The following ARHGEF10L variants were observed in gnomAD, a reference collection of about 807,000 sequenced individuals.
ARHGEF10L encodes the protein rho guanine nucleotide exchange factor 10-like protein.
A neutral mutation model predicts 141.2 loss-of-function variants in ARHGEF10L; 69 were observed. The ratio of observed to expected loss-of-function variants is 0.49; its 90% confidence interval spans 0.40 to 0.60. ARHGEF10L has a LOEUF of 0.60. ARHGEF10L is among the 20% of genes least tolerant of loss of function. The pLI is 0.00. For missense variants in ARHGEF10L, 1,482 were observed against 1,734.3 expected, an observed-to-expected ratio of 0.85 and a Z score of 2.58; for synonymous variants, 711 against 718.5, an observed-to-expected ratio of 0.99 and a Z score of 0.17.
At chr1:17,559,265 C>T (rs1000830225) in intron 1 of ARHGEF10L, among the ~76,000 whole-genome samples, 5 of 152,192 alleles carry the variant, frequency 3.3e-5, no homozygotes, top group African/African-American at 1.2e-4. Flanking sequence ...TGGTAAAGCA[C>T]TTAGTGCAAT....
chr1:17,634,266 G>T, intron 16 of ARHGEF10L: 1 of 568,940 alleles, frequency 1.8e-6, no homozygotes. Flanking sequence ...TGGGGAATCA[G>T]TTTGGGTGAT....
At chr1:17,610,676 C>T (rs940425132) in intron 7 of ARHGEF10L, among the ~76,000 whole-genome samples, 1 of 152,218 alleles carries the variant, frequency 6.6e-6, no homozygotes, top group Non-Finnish European at 1.5e-5. Context: ...TGGCTATGTG[C>T]TGTGTGTGCT....
intron 14 of ARHGEF10L, 99 bp downstream of exon 14, chr1:17,626,147 G>A (rs938157098): frequency 2.9e-5 from 30 of 1,035,824 alleles, no homozygotes; most frequent in East Asian, 1.3e-4. Flanking sequence ...GCTCTTGTCC[G>A]TGATCCATAA....
intron 1 of ARHGEF10L, among the ~76,000 whole-genome samples, chr1:17,575,019 A>G (rs1357584857): frequency 2.0e-5 from 3 of 152,174 alleles, no homozygotes; most frequent in Non-Finnish European, 4.4e-5. Flanking sequence ...TCCCAGCCTC[A>G]TGGGTTCCTG....
intron 4 of ARHGEF10L, among the ~76,000 whole-genome samples, chr1:17,599,501 C>T (rs2100885160): frequency 6.6e-6 from 1 of 152,318 alleles, no homozygotes; most frequent in African/African-American, 2.4e-5. Context: ...CACGTCTGTT[C>T]CAGCCGGAAG....
At chr1:17,538,167 A>G (rs1469525680), upstream of ARHGEF10L, among the ~76,000 whole-genome samples, 1 of 152,238 alleles carries the variant, frequency 6.6e-6, no homozygotes, top group South Asian at 2.1e-4. Context: ...GGCTCTGGCT[A>G]TGACGGCAGG....
the ARHGEF10L span, among the ~76,000 whole-genome samples, chr1:17,520,893 C>A: frequency 6.6e-6 from 1 of 152,160 alleles, no homozygotes; most frequent in African/African-American, 2.4e-5. Context: ...TGGATTGATG[C>A]ATTGGTGCTG....
chr1:17,641,201 C>T (rs554879666), intron 21 of ARHGEF10L, among the ~76,000 whole-genome samples: 1 of 152,336 alleles, frequency 6.6e-6, no homozygotes, highest in South Asian at 2.1e-4. Context: ...TATGTCCCCT[C>T]CAGACAGAGC....
chr1:17,522,576 G>A, the ARHGEF10L span, among the ~76,000 whole-genome samples: 24 of 151,806 alleles, frequency 1.6e-4, no homozygotes, highest in Admixed American at 6.6e-4. Flanking sequence ...CTCGTCGGGG[G>A]CAGAAGTGTC....
At chr1:17,626,135 G>C (rs913565853) in intron 14 of ARHGEF10L, 87 bp downstream of exon 14, 15 of 1,205,178 alleles carry the variant, frequency 1.2e-5, no homozygotes, top group Non-Finnish European at 1.7e-5. Context: ...GAGGAGGTCT[G>C]GGCTCTTGTC....
At position 17,621,844 on chromosome 1, in the gene ARHGEF10L, G is replaced by A. The variant is rs576328375; in HGVS notation, c.943-20G>A. On this transcript the variant is annotated intron_variant, in intron 10 of 28. Transcript: ENST00000361221. The surrounding 1 kb of genome is among the most constrained non-coding windows in gnomAD (Gnocchi z 4.1). ...GCAGCAGGTGTCATGTGCGCTGACC[G>A]TGCTTTTTGGCCCGAGCAGGTGGTC... 55 of 1,613,238 alleles carry A rather than the reference G, an allele frequency of 3.4e-5. No homozygotes were observed. Among genetic ancestry groups the A allele is most frequent in the South Asian group, 3.4e-4 (31 of 91,064 alleles).
At chr1:17,674,123 A>G (rs2063494633) in intron 26 of ARHGEF10L, among the ~76,000 whole-genome samples, 1 of 152,160 alleles carries the variant, frequency 6.6e-6, no homozygotes, top group African/African-American at 2.4e-5. Context: ...CTGCAGTGCA[A>G]GTACAGGCAT....
intron 2 of ARHGEF10L, among the ~76,000 whole-genome samples, chr1:17,586,103 A>G (rs2079002307): frequency 6.6e-6 from 1 of 152,174 alleles, no homozygotes; most frequent in African/African-American, 2.4e-5. Flanking sequence ...TAATCGTCCT[A>G]CAGTGCACAG....
chr1:17,648,437 G>C, intron 21 of ARHGEF10L, 117 bp from the exon 22 acceptor site: 1 of 1,333,758 alleles, frequency 7.5e-7, no homozygotes, highest in Non-Finnish European at 1.0e-6. Context: ...GGGAGTGACT[G>C]GATGGGGCCA....
chr1:17,519,361 G>A, the ARHGEF10L span, among the ~76,000 whole-genome samples: 2 of 151,980 alleles, frequency 1.3e-5, no homozygotes, highest in Admixed American at 6.6e-5. Flanking sequence ...TATAATCCCA[G>A]CACTTTGGGA....
At chr1:17,519,719 C>T in the ARHGEF10L span, among the ~76,000 whole-genome samples, 1 of 152,080 alleles carries the variant, frequency 6.6e-6, no homozygotes, top group Non-Finnish European at 1.5e-5. Context: ...CCTGTAATCC[C>T]AGCTACTCGG....
chr1:17,594,239 G>A (rs935807532), intron 4 of ARHGEF10L, among the ~76,000 whole-genome samples: 6 of 151,986 alleles, frequency 3.9e-5, no homozygotes, highest in Admixed American at 1.3e-4. Context: ...CAGGACAGGC[G>A]CTGATACAAT....
intron 21 of ARHGEF10L, among the ~76,000 whole-genome samples, chr1:17,642,064 T>G (rs974237918): frequency 6.6e-6 from 1 of 151,952 alleles, no homozygotes; most frequent in African/African-American, 2.4e-5. Context: ...CTGTTGAGAC[T>G]CTACATAGTT....
At chr1:17,580,265 A>G (rs749739380) in intron 1 of ARHGEF10L, among the ~76,000 whole-genome samples, 25 of 152,210 alleles carry the variant, frequency 1.6e-4, no homozygotes, top group Non-Finnish European at 2.8e-4. Context: ...TGTAAGCCAG[A>G]GGGGATGAGG....
Sources: allele counts gnomAD v4.1 joint callset (sites outside exome capture counted in the v4.1 genomes callset), GRCh38; gene constraint gnomAD v4.1.1; non-coding constraint Gnocchi (gnomAD v3.1); transcripts MANE v1.5; gene names NCBI Gene and HGNC (gene_info 2026-07-23, HGNC 2026-07-21).